SAMD12: variants seen among roughly 807,000 people sequenced by gnomAD.
The protein encoded by SAMD12 is sterile alpha motif domain containing 12.
SAMD12 carries 9 observed loss-of-function variants against 15.0 expected under a neutral mutation model. The observed-to-expected ratio is 0.60, with a 90% CI of 0.36 to 1.05. The LOEUF is 1.05. Among genes scored for constraint, SAMD12 ranks in the 50% least tolerant of loss-of-function variants. SAMD12 has a pLI of 0.01. For missense variants in SAMD12, 230 were observed against 234.2 expected, an observed-to-expected ratio of 0.98 and a Z score of 0.12; for synonymous variants, 86 against 90.1, an observed-to-expected ratio of 0.96 and a Z score of 0.25.
the SAMD12 span, among the ~76,000 whole-genome samples, chr8:118,174,954 T>G: frequency 6.6e-6 from 1 of 151,744 alleles, no homozygotes; most frequent in Non-Finnish European, 1.5e-5. Flanking sequence ...CAGCAAATAT[T>G]TCCAAAGAAC....
intron 3 of SAMD12, among the ~76,000 whole-genome samples, chr8:118,408,150 C>A (rs4876825): frequency 0.34 from 52,235 of 151,986 alleles, 9,634 homozygotes; most frequent in African/African-American, 0.41. Flanking sequence ...CTACACTTAA[C>A]TCCATACCAG....
intron 4 of SAMD12, among the ~76,000 whole-genome samples, chr8:118,358,899 T>C (rs1818356535): frequency 1.3e-5 from 2 of 152,166 alleles, no homozygotes; most frequent in Non-Finnish European, 2.9e-5. Flanking sequence ...GAAAATATGT[T>C]AACACATCCC....
intron 4 of SAMD12, among the ~76,000 whole-genome samples, chr8:118,329,253 G>C (rs1017203291): frequency 6.6e-6 from 1 of 152,092 alleles, no homozygotes; most frequent in Non-Finnish European, 1.5e-5. Flanking sequence ...GCCCACAGAA[G>C]GAACAGTGAG....
chr8:118,219,664 C>T (rs1213160392), intron 4 of SAMD12, among the ~76,000 whole-genome samples: 2 of 152,208 alleles, frequency 1.3e-5, no homozygotes. Flanking sequence ...AGAAGCTCTA[C>T]TACCCTTCTG....
rs112451553 is a variant in SAMD12 at position 118,208,776 on chromosome 8, A to G, written c.434-11044T>C. ...TTGACAGCGCCACTCTGTAGTGGAG[A>G]AAAGAGAGACAGCAATTTAATAAAA... On this transcript the variant is annotated intron_variant, in intron 4 of 4. Coordinates refer to the SAMD12 transcript ENST00000409003. Among the ~76,000 whole-genome samples the G allele has an allele frequency of 1.2e-3, 186 of 152,294 alleles. 1 individual carries two copies. Among genetic ancestry groups the G allele is most frequent in the African/African-American group, 4.3e-3 (179 of 41,560 alleles).
intron 1 of SAMD12, among the ~76,000 whole-genome samples, chr8:118,616,582 G>A (rs1045022371): frequency 2.0e-5 from 3 of 152,164 alleles, no homozygotes; most frequent in East Asian, 1.9e-4. Context: ...CTCAGGAGAG[G>A]AGAAATCAAC....
downstream of SAMD12, among the ~76,000 whole-genome samples, chr8:118,186,135 T>G (rs989332408): frequency 6.6e-6 from 1 of 152,196 alleles, no homozygotes; most frequent in African/African-American, 2.4e-5. Flanking sequence ...AATGTGCTAA[T>G]AGGCATCCCA....
chr8:118,360,852 T>C (rs1321950286), intron 4 of SAMD12, among the ~76,000 whole-genome samples: 1 of 152,226 alleles, frequency 6.6e-6, no homozygotes, highest in Non-Finnish European at 1.5e-5. Flanking sequence ...TCAGTATGTG[T>C]TCTGGAGAAA....
At chr8:118,547,337 G>A (rs1468877865) in intron 2 of SAMD12, among the ~76,000 whole-genome samples, 1 of 152,254 alleles carries the variant, frequency 6.6e-6, no homozygotes, top group East Asian at 1.9e-4. Context: ...ACTTCAGTGA[G>A]GCTTTTTTTT....
chr8:118,264,572 G>C (rs1336339746), intron 4 of SAMD12, among the ~76,000 whole-genome samples: 1 of 152,134 alleles, frequency 6.6e-6, no homozygotes, highest in Non-Finnish European at 1.5e-5. Context: ...GAGTGAAATG[G>C]GTGAAGGTGA....
intron 2 of SAMD12, among the ~76,000 whole-genome samples, chr8:118,502,447 AT>A (rs777728552): frequency 2.0e-5 from 3 of 152,194 alleles, no homozygotes; most frequent in Non-Finnish European, 4.4e-5. Flanking sequence ...ACAAAAAAAA[AT>A]CATTTACAAT....
intron 2 of SAMD12, among the ~76,000 whole-genome samples, chr8:118,472,491 C>T (rs1240769414): frequency 6.6e-6 from 1 of 151,766 alleles, no homozygotes; most frequent in African/African-American, 2.4e-5. Context: ...CAAGCCTGGG[C>T]AACACAGCAA....
intron 2 of SAMD12, among the ~76,000 whole-genome samples, chr8:118,530,576 G>T (rs1825658074): frequency 6.6e-6 from 1 of 152,114 alleles, no homozygotes; most frequent in Non-Finnish European, 1.5e-5. Context: ...AGTTGTTTGA[G>T]TTCCCTATAA....
chr8:118,570,839 T>C (rs1189955972), intron 2 of SAMD12, among the ~76,000 whole-genome samples: 2 of 152,142 alleles, frequency 1.3e-5, no homozygotes, highest in African/African-American at 4.8e-5. Context: ...CAGGCAAGTC[T>C]TTCCCATGCT....
intron 4 of SAMD12, among the ~76,000 whole-genome samples, chr8:118,289,110 A>G (rs537167035): frequency 2.0e-5 from 3 of 152,204 alleles, no homozygotes; most frequent in East Asian, 1.9e-4. Flanking sequence ...TTTTCTTCCC[A>G]TAGTTAAGAT....
chr8:118,610,270 T>C (rs754857674), intron 1 of SAMD12, among the ~76,000 whole-genome samples: 2 of 152,204 alleles, frequency 1.3e-5, no homozygotes, highest in Non-Finnish European at 2.9e-5. Flanking sequence ...ATTTTCCCCA[T>C]TGCAGAGCCC....
At chr8:118,193,596 C>A (rs932369643) in exon 5 of SAMD12, 3 of 152,132 alleles carry the variant, frequency 2.0e-5, no homozygotes, top group African/African-American at 4.8e-5. Context: ...GACTGGTCAG[C>A]GTTATTAATC....
intron 3 of SAMD12, among the ~76,000 whole-genome samples, chr8:118,437,184 C>T (rs1041843470): frequency 2.6e-5 from 4 of 152,162 alleles, no homozygotes; most frequent in Admixed American, 2.6e-4. Context: ...TGGCTGAAGT[C>T]CCGAAAGCTA....
chr8:118,282,073 T>A, intron 4 of SAMD12: 1 of 346,012 alleles, frequency 2.9e-6, no homozygotes, highest in South Asian at 2.2e-5. Context: ...TGAATGACAC[T>A]GGATGGTAAT....
Sources: gnomAD v4.1 joint callset for allele counts (sites outside exome capture counted in the v4.1 genomes callset) on GRCh38, gnomAD v4.1.1 for gene constraint, MANE v1.5 for transcripts, NCBI Gene and HGNC (gene_info 2026-07-23, HGNC 2026-07-21) for gene names.